INO80: variants seen among roughly 807,000 people sequenced by gnomAD.
INO80 encodes chromatin-remodeling ATPase INO80.
A neutral mutation model predicts 203.4 loss-of-function variants in INO80; 20 were observed. The observed-to-expected ratio is 0.10, with a 90% CI of 0.07 to 0.14. INO80 has a LOEUF of 0.14. INO80 is among the 10% of genes least tolerant of loss of function. The pLI is 1.00. For synonymous variants in INO80, 726 were observed against 685.2 expected (o/e 1.06, Z -0.93); for missense variants, 1,419 against 1,914.4 (o/e 0.74, Z 4.83).
At chr15:41,001,451 T>C (rs1436119239) in intron 28 of INO80, among the ~76,000 whole-genome samples, 2 of 152,164 alleles carry the variant, frequency 1.3e-5, no homozygotes, top group Non-Finnish European at 2.9e-5. Flanking sequence ...ACAACCACAA[T>C]GAAAGACAAC....
At chr15:41,000,706 CAAAAAAAAA>C (rs58232890) in intron 28 of INO80, among the ~76,000 whole-genome samples, 61 of 56,820 alleles carry the variant, frequency 1.1e-3, no homozygotes, top group African/African-American at 3.4e-3. Context: ...CACCCTGTCT[CAAAAAAAAA>C]AAAAAAAAAA....
At chr15:41,113,559 C>A (rs554124700) in intron 1 of INO80, among the ~76,000 whole-genome samples, 1 of 152,244 alleles carries the variant, frequency 6.6e-6, no homozygotes, top group South Asian at 2.1e-4. Context: ...TGAGCCACCG[C>A]ACCCGGCCAA....
intron 26 of INO80, among the ~76,000 whole-genome samples, chr15:41,019,883 T>C (rs2044263889): frequency 6.6e-6 from 1 of 152,228 alleles, no homozygotes; most frequent in South Asian, 2.1e-4. Context: ...AGAAGACCTC[T>C]GTTGAATGCT....
chr15:41,038,090 C>T (rs557174218), intron 24 of INO80, among the ~76,000 whole-genome samples: 4 of 137,042 alleles, frequency 2.9e-5, no homozygotes, highest in Admixed American at 2.3e-4. Flanking sequence ...TCTCAGCTCA[C>T]TGCAACCTTC....
chr15:41,012,386 G>A (rs542909502), intron 27 of INO80, among the ~76,000 whole-genome samples: 11 of 151,960 alleles, frequency 7.2e-5, no homozygotes, highest in African/African-American at 2.7e-4. Flanking sequence ...GGCCAACATG[G>A]TGAAACCCCA....
intron 19 of INO80, among the ~76,000 whole-genome samples, chr15:41,052,302 C>T (rs1277274728): frequency 6.6e-6 from 1 of 152,114 alleles, no homozygotes; most frequent in South Asian, 2.1e-4. Flanking sequence ...AAAAACTACC[C>T]ATCAAGATTT....
rs533829797 is a variant in INO80, at chr15:40,989,035, C to T, written c.3571-1061G>A. ...GTCTCAAAAAAAAAAAAAAATTAGCCAGGTGTGGTGGCAGGCACCTGTGGT... is the reference window on the plus strand; with the variant it reads ...GTCTCAAAAAAAAAAAAAAATTAGCTAGGTGTGGTGGCAGGCACCTGTGGT... On this transcript the variant is annotated intron_variant, in intron 29 of 35. Transcript: ENST00000648947. Among the ~76,000 whole-genome samples, 54 of 147,384 alleles carry T rather than the reference C, an allele frequency of 3.7e-4. 1 individual carries two copies. Among genetic ancestry groups the T allele is most frequent in the African/African-American group, 1.3e-3 (52 of 39,844 alleles).
chr15:41,059,303 G>C lies in INO80; in HGVS notation c.1843-522C>G, dbSNP rs138965664. Among the ~76,000 whole-genome samples the C allele has an allele frequency of 4.7e-5, 7 of 150,528 alleles. No individual in the cohort carries two copies. The East Asian group carries it at 1.0e-3, about 22-fold the overall frequency. On this transcript the variant is annotated intron_variant, in intron 15 of 35. Coordinates refer to ENST00000648947, the MANE Select transcript of INO80 (RefSeq NM_017553.3). ...AAGCAGTCACATTTACCACAAACTAGGCTGAAACTAGTCTTCAGCTTATTA... is the reference window on the plus strand; with the variant it reads ...AAGCAGTCACATTTACCACAAACTACGCTGAAACTAGTCTTCAGCTTATTA...
chr15:40,989,237 G>GCT (rs1382458456), intron 29 of INO80, among the ~76,000 whole-genome samples: 20 of 152,282 alleles, frequency 1.3e-4, no homozygotes, highest in East Asian at 1.9e-4. Flanking sequence ...GAATTCTCAG[G>GCT]CTCTCATCAA....
intron 1 of INO80, among the ~76,000 whole-genome samples, chr15:41,113,275 G>GT (rs1037515301): frequency 3.9e-4 from 58 of 149,912 alleles, no homozygotes; most frequent in Admixed American, 8.0e-4. Flanking sequence ...GTTTTGTTTT[G>GT]TTTTTTTGAG....
chr15:41,085,442 T>C lies in INO80; in HGVS notation c.800A>G (p.His267Arg), dbSNP rs2045547725. 1 of 1,614,110 alleles carries C rather than the reference T, an allele frequency of 6.2e-7. No individual in the cohort carries two copies. The highest frequency in any genetic ancestry group is 1.7e-5 in the Admixed American group (1 of 60,000). ...AGCATTCAGCTGCTCAATGGATAAG[T>C]GCTTTTTCTTAGTGCCAGGGGGAGG... ...DAPPPGTKKK[H>R]LSIEQLNARR... Residue 267 changes from histidine (H) to arginine (R), a missense_variant, in exon 7 of 36, where the codon CAC becomes CGC. Physicochemically the swap from His to Arg is conservative, Grantham distance 29. Around this residue, in one of 9 missense-constraint regions of INO80, gnomAD observed 323 missense variants for 325.4 expected, o/e 0.99. Transcript: ENST00000648947.
intron 15 of INO80, among the ~76,000 whole-genome samples, chr15:41,059,143 G>T (rs2045055582): frequency 6.7e-6 from 1 of 150,324 alleles, no homozygotes; most frequent in Non-Finnish European, 1.5e-5. Context: ...TTTATTTTAT[G>T]TAGAGATGGG....
Position 41,049,483 on chromosome 15 carries a change from G to A in INO80, c.2443-63C>T, listed in dbSNP as rs1175846278. The A allele has an allele frequency of 8.0e-6, 12 of 1,495,912 alleles. No individual in the cohort carries two copies. The Admixed American group carries it at 2.0e-4, about 25-fold the overall frequency. The allele number at this position is 1,495,912 out of a possible 1,614,324, so 92.7% of individuals were successfully genotyped here. A position where few individuals can be genotyped will look rare whatever the true frequency, so the allele number is the denominator to read the frequency against. On this transcript the variant is annotated intron_variant, in intron 20 of 35. Coordinates refer to ENST00000648947, the MANE Select transcript of INO80 (RefSeq NM_017553.3). ...TGCAGACATCATACGTAATGACAGG[G>A]GATCCCAAATCCCAAATGTTTACCT...
intron 29 of INO80, among the ~76,000 whole-genome samples, chr15:40,992,499 G>GT (rs1403640012): frequency 6.6e-6 from 1 of 152,122 alleles, no homozygotes; most frequent in East Asian, 1.9e-4. Flanking sequence ...AAGACATTAG[G>GT]TTTTTCCTGA....
chr15:41,091,028 G>A (rs1003485414), intron 5 of INO80, among the ~76,000 whole-genome samples: 1 of 151,036 alleles, frequency 6.6e-6, no homozygotes, highest in African/African-American at 2.4e-5. Context: ...GGGTTCAAGC[G>A]ATTCTCCTGC....
intron 1 of INO80, among the ~76,000 whole-genome samples, chr15:41,111,432 G>T (rs1426125713): frequency 6.6e-6 from 1 of 152,048 alleles, no homozygotes. Flanking sequence ...GCGAGAGAGC[G>T]AGACTCCGTC....
At chr15:40,985,843 GGTTGTGGTGAGCCA>G (rs2043724815) in intron 31 of INO80, among the ~76,000 whole-genome samples, 1 of 152,172 alleles carries the variant, frequency 6.6e-6, no homozygotes. Flanking sequence ...AGGAAGTGGA[GGTTGTGGTGAGCCA>G]GGATTGTGAC....
chr15:40,980,493 C>T, intron 35 of INO80, 53 bp from the exon 36 acceptor site: 1 of 1,405,194 alleles, frequency 7.1e-7, no homozygotes, highest in Non-Finnish European at 1.0e-6. Flanking sequence ...CGTAAGCTTC[C>T]TTGGAGCCTG....
chr15:41,076,416 T>C (rs926035774), intron 9 of INO80, among the ~76,000 whole-genome samples: 4 of 150,294 alleles, frequency 2.7e-5, no homozygotes, highest in Non-Finnish European at 4.4e-5. Flanking sequence ...GTGATAATAA[T>C]AGCTACAAAA....
Sources: gnomAD v4.1 joint callset for allele counts (sites outside exome capture counted in the v4.1 genomes callset) on GRCh38, gnomAD v4.1.1 for gene constraint, gnomAD v4.1.1 regional missense constraint, MANE v1.5 for transcripts, NCBI Gene and HGNC (gene_info 2026-07-23, HGNC 2026-07-21) for gene names.